The following CLVS1 variants were observed in gnomAD, a reference collection of about 807,000 sequenced individuals.
The protein encoded by CLVS1 is clavesin-1.
In CLVS1, 10 loss-of-function variants were observed where a neutral mutation model predicts 33.1. The ratio of observed to expected loss-of-function variants is 0.30; its 90% CI spans 0.19 to 0.51. The LOEUF (loss-of-function observed/expected upper bound fraction) is 0.51. Ranked by LOEUF, CLVS1 falls within the 20% of genes least tolerant of loss-of-function variation. The pLI, the probability that CLVS1 is intolerant of heterozygous loss-of-function variation, is 0.97. For missense variants in CLVS1, 343 were observed against 433.4 expected, an observed-to-expected ratio of 0.79 and a Z score of 1.85; for synonymous variants, 163 against 166.1, an observed-to-expected ratio of 0.98 and a Z score of 0.14.
chr8:61,197,031 C>G (rs1023057266), intron 2 of CLVS1, among the ~76,000 whole-genome samples: 1 of 152,204 alleles, frequency 6.6e-6, no homozygotes, highest in African/African-American at 2.4e-5. Context: ...AGCAACCTTT[C>G]TCAATCAGGG....
rs551063087 is a variant in CLVS1, at chr8:61,375,132, C to G, written c.456-1473C>G. On this transcript the variant is annotated intron_variant, in intron 2 of 5. Transcript: ENST00000325897. ...CATGTTGCTAATCTACCACCCCTCC[C>G]CAACTAAAATAAGAGTCCTTTGAAA... Among the ~76,000 whole-genome samples the G allele has an allele frequency of 4.6e-5, 7 of 152,218 alleles. No homozygotes were observed. The South Asian group carries it at 1.0e-3, about 23-fold the overall frequency.
intron 1 of CLVS1, among the ~76,000 whole-genome samples, chr8:61,112,512 T>C (rs1449749448): frequency 6.6e-6 from 1 of 152,246 alleles, no homozygotes; most frequent in Non-Finnish European, 1.5e-5. Context: ...AATAATTCAA[T>C]AGGCAGCGAG....
the CLVS1 span, among the ~76,000 whole-genome samples, chr8:61,050,510 C>T: frequency 6.6e-6 from 1 of 152,232 alleles, no homozygotes; most frequent in Non-Finnish European, 1.5e-5. Context: ...AACAGAGAGT[C>T]ACACAAGGCA....
At chr8:61,363,520 T>C (rs1192398873) in intron 2 of CLVS1, among the ~76,000 whole-genome samples, 1 of 152,192 alleles carries the variant, frequency 6.6e-6, no homozygotes, top group Non-Finnish European at 1.5e-5. Context: ...ATGTTTTCTT[T>C]CACCACTTTC....
At chr8:60,972,221 T>C in the CLVS1 span, among the ~76,000 whole-genome samples, 1 of 152,182 alleles carries the variant, frequency 6.6e-6, no homozygotes, top group Non-Finnish European at 1.5e-5. Flanking sequence ...AGTGTGGTCA[T>C]GAAACTGCCT....
intron 1 of CLVS1, among the ~76,000 whole-genome samples, chr8:61,063,295 T>TAGAGAGAG (rs1303574345): frequency 1.0e-5 from 1 of 95,356 alleles, no homozygotes; most frequent in Admixed American, 1.1e-4. Context: ...GAGAGAGAGA[T>TAGAGAGAG]AGAGAGAGAG....
At chr8:61,294,359 A>T (rs1810110216) in intron 1 of CLVS1, among the ~76,000 whole-genome samples, 1 of 152,158 alleles carries the variant, frequency 6.6e-6, no homozygotes, top group Non-Finnish European at 1.5e-5. Flanking sequence ...AGACTATATA[A>T]TATCAAAGAC....
intron 2 of CLVS1, among the ~76,000 whole-genome samples, chr8:61,242,367 A>T (rs1808714681): frequency 6.6e-6 from 1 of 151,928 alleles, no homozygotes; most frequent in African/African-American, 2.4e-5. Context: ...TTCAGATTGA[A>T]TTGTTTCTGT....
At chr8:61,345,149 T>C (rs1411149998) in intron 2 of CLVS1, among the ~76,000 whole-genome samples, 1 of 152,170 alleles carries the variant, frequency 6.6e-6, no homozygotes, top group African/African-American at 2.4e-5. Context: ...GCATTTCTAC[T>C]GAGGAGCATT....
intron 2 of CLVS1, among the ~76,000 whole-genome samples, chr8:61,364,023 T>C (rs1813092473): frequency 1.3e-5 from 2 of 152,354 alleles, no homozygotes; most frequent in South Asian, 2.1e-4. Context: ...CAAATGACTT[T>C]GGAAACCTCC....
the CLVS1 span, among the ~76,000 whole-genome samples, chr8:61,033,161 A>AAGAGAAAG: frequency 8.7e-5 from 8 of 92,210 alleles, 1 homozygote; most frequent in South Asian, 1.6e-3. Flanking sequence ...GAAAGAAAGA[A>AAGAGAAAG]AAAGAAAGAA....
intron 2 of CLVS1, among the ~76,000 whole-genome samples, chr8:61,244,621 A>G (rs916035653): frequency 2.0e-5 from 3 of 152,218 alleles, no homozygotes; most frequent in Non-Finnish European, 4.4e-5. Context: ...AGGAACCCCA[A>G]TATAAACTAT....
At chr8:60,989,896 C>T in the CLVS1 span, among the ~76,000 whole-genome samples, 11 of 151,748 alleles carry the variant, frequency 7.2e-5, no homozygotes, top group Admixed American at 1.3e-4. Context: ...GAGGCCGAGG[C>T]GGGCGGATCA....
rs191170598 is a variant in CLVS1, at chr8:61,497,747, G to T, written c.978-1708G>T. ...TTATTAAGAAAGTAAAGGAATAAAA[G>T]AATGTCTACACCATAGAAAGAGCAG... On this transcript the variant is annotated intron_variant, in intron 5 of 5. Transcript: ENST00000325897. Among the ~76,000 whole-genome samples, 10 of 152,310 alleles carry T rather than the reference G, an allele frequency of 6.6e-5. No individual in the cohort carries two copies. The East Asian group carries it at 1.7e-3, about 26-fold the overall frequency.
At chr8:61,240,267 G>T (rs189581471) in intron 2 of CLVS1, among the ~76,000 whole-genome samples, 1 of 152,016 alleles carries the variant, frequency 6.6e-6, no homozygotes, top group South Asian at 2.1e-4. Context: ...TCTCACCTCC[G>T]TTCTCCCCCG....
intron 2 of CLVS1, among the ~76,000 whole-genome samples, chr8:61,262,185 A>C (rs1382004588): frequency 6.6e-6 from 1 of 152,200 alleles, no homozygotes; most frequent in African/African-American, 2.4e-5. Context: ...TGGCTAATTA[A>C]AAAACAATTT....
At chr8:61,143,364 G>A (rs7830680) in intron 2 of CLVS1, among the ~76,000 whole-genome samples, 35,760 of 151,994 alleles carry the variant, frequency 0.24, 4,505 homozygotes, top group East Asian at 0.39. Context: ...AATTTCCCCT[G>A]CAGAAAGCAT....
chr8:61,380,151 G>A (rs953939914), intron 3 of CLVS1, among the ~76,000 whole-genome samples: 1 of 152,210 alleles, frequency 6.6e-6, no homozygotes. Context: ...AGACTCCAAA[G>A]TGGATGTGAT....
rs561578807 is a variant in CLVS1 at position 61,201,919 on chromosome 8, G to T, written c.-152+70059G>T. ...AGAGTACACCAAACAAAGGAGACAG[G>T]GTCATTTATAACCTGACAGATCCAC... On this transcript the variant is annotated intron_variant, in intron 2 of 2. Transcript: ENST00000522621. Among the ~76,000 whole-genome samples, 4 of 152,228 alleles carry T rather than the reference G, an allele frequency of 2.6e-5. No homozygotes were observed. The South Asian group carries it at 8.3e-4, about 32-fold the overall frequency.
Sources: gnomAD v4.1 joint callset for allele counts (sites outside exome capture counted in the v4.1 genomes callset) on GRCh38, gnomAD v4.1.1 for gene constraint, MANE v1.5 for transcripts, NCBI Gene and HGNC (gene_info 2026-07-23, HGNC 2026-07-21) for gene names.